CEP192: variants seen among roughly 807,000 people sequenced by gnomAD.
CEP192 encodes centrosomal protein 192.
In CEP192, 151 loss-of-function variants were observed where a neutral mutation model predicts 271.8. That is an observed-to-expected ratio of 0.56 (90% confidence interval 0.49 to 0.64). The LOEUF (loss-of-function observed/expected upper bound fraction) is 0.64. Ranked by LOEUF, CEP192 falls within the 30% of genes least tolerant of loss-of-function variation. The pLI is 0.00. For synonymous variants in CEP192, 995 were observed against 1,076.5 expected (o/e 0.92, Z 1.48); for missense variants, 2,910 against 3,020.5 (o/e 0.96, Z 0.86).
chr18:13,044,505 T>C (rs2036374604), intron 15 of CEP192, among the ~76,000 whole-genome samples: 1 of 152,208 alleles, frequency 6.6e-6, no homozygotes, highest in African/African-American at 2.4e-5. Context: ...TGTTTTGGAT[T>C]TGGTTTTCAC....
intron 40 of CEP192, among the ~76,000 whole-genome samples, chr18:13,113,098 G>A (rs1053199153): frequency 6.6e-6 from 1 of 152,214 alleles, no homozygotes; most frequent in African/African-American, 2.4e-5. Flanking sequence ...AATGCGAGCT[G>A]CCACTGTGGA....
chr18:13,012,990 C>T lies in CEP192; in HGVS notation c.484C>T (p.His162Tyr), dbSNP rs1486516204. 1.3e-6 allele frequency: 2 copies of T among 1,513,500 alleles called. No homozygotes were observed. The highest frequency in any genetic ancestry group is 4.0e-5 in the Admixed American group (2 of 50,154). 93.8% of individuals were successfully genotyped at this position (1,513,500 alleles called of 1,614,324 possible). The change falls in exon 5 of 45, where the codon CAT becomes TAT. Residue 162 changes from histidine to tyrosine, a missense_variant. His to Tyr is a moderately conservative substitution (Grantham distance 83). Transcript: ENST00000506447. ...EQAQDSPIDF[H>Y]LQSWMNNKEP... ...TTACACAGACTCACCTATTGATTTTCATTTACAGTCATGGATGAATAATAA... is the reference window on the plus strand; with the variant it reads ...TTACACAGACTCACCTATTGATTTTTATTTACAGTCATGGATGAATAATAA...
At chr18:13,102,531 AT>A (rs1177418642) in intron 38 of CEP192, among the ~76,000 whole-genome samples, 1 of 151,844 alleles carries the variant, frequency 6.6e-6, no homozygotes, top group African/African-American at 2.4e-5. Flanking sequence ...CTGTCACCTC[AT>A]GCCCGGAACC....
intron 30 of CEP192, among the ~76,000 whole-genome samples, chr18:13,074,132 A>T (rs1378262091): frequency 6.6e-6 from 1 of 151,966 alleles, no homozygotes; most frequent in East Asian, 1.9e-4. Flanking sequence ...GCTGGGGCTC[A>T]AATTTTTGTT....
intron 40 of CEP192, among the ~76,000 whole-genome samples, chr18:13,112,566 A>AG (rs948851412): frequency 6.6e-6 from 1 of 152,180 alleles, no homozygotes; most frequent in African/African-American, 2.4e-5. Context: ...TGGTATTTGA[A>AG]GGGGTATAGT....
At chr18:13,036,859 A>G (rs1007768910) in intron 11 of CEP192, among the ~76,000 whole-genome samples, 1 of 152,198 alleles carries the variant, frequency 6.6e-6, no homozygotes. Context: ...CATCTTCATG[A>G]CAAGCTTATA....
intron 21 of CEP192, among the ~76,000 whole-genome samples, chr18:13,066,904 C>T (rs557083123): frequency 2.0e-4 from 31 of 151,996 alleles, no homozygotes; most frequent in African/African-American, 7.2e-4. Context: ...ACTTACTGGT[C>T]TGCCTTTGAT....
intron 33 of CEP192, among the ~76,000 whole-genome samples, chr18:13,090,879 CA>C (rs1171480569): frequency 6.6e-6 from 1 of 151,992 alleles, no homozygotes; most frequent in East Asian, 1.9e-4. Flanking sequence ...TGTAGGGAAC[CA>C]GAGTTTGCAG....
intron 9 of CEP192, among the ~76,000 whole-genome samples, chr18:13,020,313 A>C (rs192379040): frequency 3.9e-5 from 6 of 152,296 alleles, no homozygotes; most frequent in Admixed American, 3.9e-4. Context: ...GTAACCTCAT[A>C]TAAGTGAAAT....
At chr18:13,017,377 A>T (rs1192007799) in intron 7 of CEP192, 41 bp downstream of exon 7, 3 of 1,423,000 alleles carry the variant, frequency 2.1e-6, no homozygotes, top group Non-Finnish European at 2.8e-6. Context: ...ATTTGACATT[A>T]GAAAATTACT....
chr18:13,019,085 A>G lies in CEP192; in HGVS notation c.929A>G (p.Asn310Ser). ...SQVICLPGTS[N>S]SIGTGDSRRY... ...ACATTTTTCTTTATTTTTTCAGGTA[A>G]TTCTATAGGTACTGGAGATAGTAGA... The change falls in exon 9 of 45, where the codon AAT (asparagine) becomes AGT (serine). Residue 310 changes from asparagine to serine, a missense_variant. Transcript: ENST00000506447. The G allele has an allele frequency of 6.5e-7, 1 of 1,529,048 alleles. No homozygotes were observed. The highest frequency in any genetic ancestry group is 8.8e-7 in the Non-Finnish European group (1 of 1,139,542). 94.7% of individuals were successfully genotyped at this position (1,529,048 alleles called of 1,614,324 possible).
In CEP192 at chr18:13,049,589, A is replaced by C; in HGVS notation, c.2798A>C (p.Asn933Thr). Reference sequence around the variant, plus strand: ...GAAGAAATACGAGATAACAGAGAAAATCAGAGGCAAAATGAGTGTGTCAGT... The same window carrying C: ...GAAGAAATACGAGATAACAGAGAAACTCAGAGGCAAAATGAGTGTGTCAGT... ...DCEEIRDNRE[N>T]QRQNECVSEI... is the part of the protein sequence containing the mutation. Residue 933 changes from asparagine to threonine, a missense_variant, in exon 16 of 45, where the codon AAT becomes ACT. Coordinates refer to ENST00000506447, the MANE Select transcript of CEP192 (RefSeq NM_032142.4). 1 of 1,614,072 alleles carries C rather than the reference A, an allele frequency of 6.2e-7. No homozygotes were observed. The highest frequency in any genetic ancestry group is 1.7e-5 in the Admixed American group (1 of 59,996).
intron 39 of CEP192, among the ~76,000 whole-genome samples, chr18:13,104,623 T>C (rs1278910075): frequency 6.6e-6 from 1 of 151,974 alleles, no homozygotes; most frequent in Non-Finnish European, 1.5e-5. Context: ...AAAAAATAAA[T>C]AGATAAAAAT....
rs1380973201 is a variant in CEP192 at position 13,057,858 on chromosome 18, G to A, written c.4257+125G>A. On this transcript the variant is annotated intron_variant, in intron 20 of 44. Coordinates refer to ENST00000506447, the MANE Select transcript of CEP192 (RefSeq NM_032142.4). ...ATTAATGCACACAGTCATTGCCATG[G>A]TATCTTTCTCTCAGACCCCTTTTGT... 13 of 816,320 alleles carry A rather than the reference G, an allele frequency of 1.6e-5. No individual in the cohort carries two copies. In the East Asian group the frequency reaches 3.4e-4, roughly 21 times the overall value. The allele number at this position is 816,320 out of a possible 1,614,324, so 50.6% of individuals were successfully genotyped here. A position where few individuals can be genotyped will look rare whatever the true frequency, so the allele number is the denominator to read the frequency against.
rs370543409 is a variant in CEP192 at position 13,007,185 on chromosome 18, G to A, written c.291-1271G>A. The stretch of plus-strand genomic sequence containing the variant: ...TCAGATTCCAGAATCTGGGGTAAGC[G>A]TGGGTTAGGACTGGTAGTTCTTACC... On this transcript the variant is annotated intron_variant, in intron 3 of 44. Transcript: ENST00000506447. Among the ~76,000 whole-genome samples the A allele has an allele frequency of 3.9e-5, 6 of 152,272 alleles. No homozygotes were observed. In the East Asian group the frequency reaches 7.7e-4, roughly 20 times the overall value.
At chr18:13,119,836 A>T (rs1245430890) in intron 44 of CEP192, among the ~76,000 whole-genome samples, 1 of 152,250 alleles carries the variant, frequency 6.6e-6, no homozygotes, top group Non-Finnish European at 1.5e-5. Context: ...CCAACTTTAA[A>T]AAAACAATAT....
intron 28 of CEP192, 132 bp downstream of exon 28, chr18:13,071,344 T>C: frequency 1.4e-6 from 1 of 708,954 alleles, no homozygotes. Flanking sequence ...TGGAAAAACC[T>C]AGATGGGCAC....
chr18:13,026,281 T>A (rs1296690316), intron 9 of CEP192, among the ~76,000 whole-genome samples: 1 of 152,158 alleles, frequency 6.6e-6, no homozygotes, highest in Non-Finnish European at 1.5e-5. Flanking sequence ...TTCTTTAGGA[T>A]TTTTTCTTTA....
chr18:13,012,881 A>G (rs891327864), intron 4 of CEP192, 92 bp from the exon 5 acceptor site: 81 of 676,922 alleles, frequency 1.2e-4, no homozygotes, highest in Non-Finnish European at 1.9e-4. Context: ...CTATTTCAAG[A>G]GAAAAATATT....
Sources: gnomAD v4.1 joint callset for allele counts (sites outside exome capture counted in the v4.1 genomes callset) on GRCh38, gnomAD v4.1.1 for gene constraint, MANE v1.5 for transcripts, NCBI Gene and HGNC (gene_info 2026-07-23, HGNC 2026-07-21) for gene names.